Variants in ERC2 observed in about 807,000 individuals in gnomAD.
The protein encoded by ERC2 is ERC protein 2.
In ERC2, 42 loss-of-function variants were observed where a neutral mutation model predicts 114.8. The observed-to-expected ratio is 0.37, with a 90% CI of 0.29 to 0.47. The LOEUF (loss-of-function observed/expected upper bound fraction) is 0.47. ERC2 is among the 20% of genes least tolerant of loss of function. The pLI is 0.99. For synonymous variants in ERC2, 454 were observed against 425.5 expected (o/e 1.07, Z -0.82); for missense variants, 939 against 1,150.7 (o/e 0.82, Z 2.66).
At chr3:56,341,949 C>G (rs2058104676) in intron 2 of ERC2, among the ~76,000 whole-genome samples, 1 of 152,214 alleles carries the variant, frequency 6.6e-6, no homozygotes, top group Admixed American at 6.5e-5. Flanking sequence ...CCAAGCCAGA[C>G]ACTCCTGCAG....
chr3:55,984,026 T>C (rs112167394), intron 12 of ERC2, among the ~76,000 whole-genome samples: 2,251 of 152,294 alleles, frequency 0.015, 52 homozygotes, highest in African/African-American at 0.051. Flanking sequence ...CAATTCTTCC[T>C]ACACTAAAAA....
rs528455302 is a variant in ERC2, at chr3:56,428,606, A to AAC, written c.657+5743_657+5744dup. ...GAATTATTTGCAGTTATACAAATAA[A>AAC]ACAAAGCAGTAATAATAAAGGAAAC... On this transcript the variant is annotated intron_variant, in intron 2 of 17. Coordinates refer to ENST00000288221, the MANE Select transcript of ERC2 (RefSeq NM_015576.3). Among the ~76,000 whole-genome samples, 1,047 of 152,286 alleles carry AAC rather than the reference A, an allele frequency of 6.9e-3. 23 individuals carry two copies. The highest frequency in any genetic ancestry group is 0.024 in the African/African-American group (1,000 of 41,522).
chr3:55,766,638 C>G (rs980613197), intron 14 of ERC2: 1 of 151,892 alleles, frequency 6.6e-6, no homozygotes, highest in Non-Finnish European at 1.5e-5. Context: ...ACTGAAGACC[C>G]AAAAAGGAGG....
intron 14 of ERC2, among the ~76,000 whole-genome samples, chr3:55,799,925 C>A (rs1220590746): frequency 1.3e-5 from 2 of 151,980 alleles, no homozygotes; most frequent in East Asian, 3.9e-4. Context: ...TATGCATAAC[C>A]CAGGGATTCA....
At position 55,530,817 on chromosome 3, in the gene ERC2, G is replaced by T. The variant is rs569444232; in HGVS notation, c.*40-19541C>A. ...ATCAAATCCAAGTGTTAAGTGTTAC[G>T]AAGCCTAATTATTACAAGCAGCAGT... On this transcript the variant is annotated intron_variant, in intron 17 of 17. Coordinates refer to ENST00000288221, the MANE Select transcript of ERC2 (RefSeq NM_015576.3). 7.9e-5 allele frequency among the ~76,000 whole-genome samples: 12 copies of T among 152,270 alleles called. No homozygotes were observed. In the South Asian group the frequency reaches 2.5e-3, roughly 31 times the overall value.
chr3:55,962,362 A>C (rs182662439), intron 12 of ERC2, among the ~76,000 whole-genome samples: 14 of 152,198 alleles, frequency 9.2e-5, no homozygotes, highest in African/African-American at 3.4e-4. Context: ...AAACTACTTA[A>C]CTTTGCCTCT....
At position 56,212,235 on chromosome 3, in the gene ERC2, C is replaced by A. The variant is rs187316223; in HGVS notation, c.1075-38715G>T. Among the ~76,000 whole-genome samples the A allele has an allele frequency of 1.4e-3, 213 of 152,138 alleles. 1 individual carries two copies. Among genetic ancestry groups the A allele is most frequent in the Non-Finnish European group, 2.5e-3 (173 of 67,984 alleles). ...ACAAAGGACTAATGTTAAGAATCTA[C>A]AAGGAACTCATACAAATCAGCAGGA... On this transcript the variant is annotated intron_variant, in intron 3 of 17. Transcript: ENST00000288221.
intron 14 of ERC2, among the ~76,000 whole-genome samples, chr3:55,802,027 G>A (rs1322770583): frequency 6.6e-6 from 1 of 152,154 alleles, no homozygotes; most frequent in Admixed American, 6.5e-5. Context: ...TACCACCCTA[G>A]ATAATATAGA....
At chr3:55,951,002 A>G (rs1405974985) in intron 12 of ERC2, among the ~76,000 whole-genome samples, 1 of 152,206 alleles carries the variant, frequency 6.6e-6, no homozygotes, top group African/African-American at 2.4e-5. Flanking sequence ...GTGAGACTAC[A>G]AGGAGCTAAC....
At chr3:56,190,650 G>A (rs1351277241) in intron 3 of ERC2, among the ~76,000 whole-genome samples, 1 of 151,958 alleles carries the variant, frequency 6.6e-6, no homozygotes, top group South Asian at 2.1e-4. Flanking sequence ...AGTTGACCAG[G>A]TTGGTCTCAA....
chr3:55,553,569 A>G (rs1243662943), intron 17 of ERC2, among the ~76,000 whole-genome samples: 1 of 152,024 alleles, frequency 6.6e-6, no homozygotes. Context: ...TCATGAGGTC[A>G]GGAGATCGAG....
chr3:55,839,396 A>T (rs1373129417), intron 14 of ERC2, among the ~76,000 whole-genome samples: 1 of 151,922 alleles, frequency 6.6e-6, no homozygotes, highest in South Asian at 2.1e-4. Context: ...AAAGGAATAA[A>T]GAGCACCAAA....
Position 56,296,142 on chromosome 3 carries a change from C to T in ERC2, c.951G>A (p.Leu317=), listed in dbSNP as rs372459087. Residue 317 remains leucine, a synonymous_variant, in exon 3 of 18, where the codon TTG becomes TTA. Transcript: ENST00000288221. ...TGTCATCCTCCAGGCTTTTGGATGG[C>T]AAGCCTTTACTTTGCAACATCTCAA... ...KLLEMLQSKG[L]PSKSLEDDNE... 2.5e-5 allele frequency: 41 copies of T among 1,613,888 alleles called. No individual in the cohort carries two copies. Among genetic ancestry groups the T allele is most frequent in the Non-Finnish European group, 3.4e-5 (40 of 1,179,896 alleles).
chr3:55,968,731 AT>A (rs1198489017), intron 12 of ERC2, among the ~76,000 whole-genome samples: 1 of 152,218 alleles, frequency 6.6e-6, no homozygotes, highest in African/African-American at 2.4e-5. Flanking sequence ...TGTAATTCTC[AT>A]TAACAATAAT....
At chr3:55,960,031 G>A (rs980683442) in intron 12 of ERC2, among the ~76,000 whole-genome samples, 9 of 152,184 alleles carry the variant, frequency 5.9e-5, no homozygotes, top group African/African-American at 1.9e-4. Context: ...GGGAAACATT[G>A]CTCCTGCTTC....
At chr3:55,627,919 G>A (rs1352739705) in intron 17 of ERC2, among the ~76,000 whole-genome samples, 8 of 148,368 alleles carry the variant, frequency 5.4e-5, no homozygotes, top group African/African-American at 7.5e-5. Context: ...GAAAGGGGGC[G>A]GGGGTCATAT....
chr3:55,657,526 A>G (rs1008173064), intron 17 of ERC2: 1 of 152,032 alleles, frequency 6.6e-6, no homozygotes, highest in Non-Finnish European at 1.5e-5. Flanking sequence ...CATGATCTCA[A>G]CTCACTGGAA....
At chr3:56,130,279 C>CA (rs1477425735) in intron 6 of ERC2, among the ~76,000 whole-genome samples, 2 of 152,108 alleles carry the variant, frequency 1.3e-5, no homozygotes, top group Admixed American at 6.5e-5. Context: ...GGGACCCACA[C>CA]AAAAAACATC....
At chr3:55,771,554 C>T (rs1575552460) in intron 14 of ERC2, among the ~76,000 whole-genome samples, 1 of 152,332 alleles carries the variant, frequency 6.6e-6, no homozygotes, top group South Asian at 2.1e-4. Flanking sequence ...TCTCTTGTGA[C>T]TTGTTCGTGG....
Sources: allele counts gnomAD v4.1 joint callset (sites outside exome capture counted in the v4.1 genomes callset), GRCh38; gene constraint gnomAD v4.1.1; transcripts MANE v1.5; gene names NCBI Gene and HGNC (gene_info 2026-07-23, HGNC 2026-07-21).